Variants in EML4 observed in about 807,000 individuals in gnomAD.
The protein encoded by EML4 is echinoderm microtubule-associated protein-like 4.
Under a neutral mutation model 129.0 loss-of-function variants are expected in EML4, and 72 were observed. The ratio of observed to expected loss-of-function variants is 0.56; its 90% CI spans 0.46 to 0.68. EML4 has a LOEUF of 0.68. Ranked by LOEUF, EML4 falls within the 30% of genes least tolerant of loss-of-function variation. The pLI is 0.00. For missense variants in EML4, 1,363 were observed against 1,190.6 expected (o/e 1.14, Z -2.13); for synonymous variants, 532 against 405.0 (o/e 1.31, Z -3.77).
intron 1 of EML4, among the ~76,000 whole-genome samples, chr2:42,190,907 A>G (rs541603318): frequency 6.6e-6 from 1 of 152,312 alleles, no homozygotes; most frequent in African/African-American, 2.4e-5. Flanking sequence ...TTCCCCAAAC[A>G]TTGAAAAATG....
intron 19 of EML4, among the ~76,000 whole-genome samples, chr2:42,324,489 G>A (rs1250250063): frequency 2.4e-4 from 37 of 152,082 alleles, no homozygotes. Flanking sequence ...GATGGCATGT[G>A]CCTGTAGTCC....
intron 2 of EML4, among the ~76,000 whole-genome samples, chr2:42,254,032 T>C (rs1166303473): frequency 6.6e-6 from 1 of 152,238 alleles, no homozygotes; most frequent in Non-Finnish European, 1.5e-5. Flanking sequence ...AGGACTTTTA[T>C]GTAGAATATT....
At chr2:42,198,578 T>C (rs1038178045) in intron 1 of EML4, among the ~76,000 whole-genome samples, 3 of 151,944 alleles carry the variant, frequency 2.0e-5, no homozygotes, top group Non-Finnish European at 4.4e-5. Context: ...AAGGAAAAGG[T>C]GGTAAGGATG....
At chr2:42,303,573 G>A in intron 16 of EML4, 127 bp downstream of exon 16, 2 of 1,026,932 alleles carry the variant, frequency 1.9e-6, no homozygotes, top group Admixed American at 4.8e-5. Flanking sequence ...TTTAGTAATA[G>A]AGGGTGGAGA....
At chr2:42,304,851 G>T (rs1668502210) in intron 17 of EML4, among the ~76,000 whole-genome samples, 1 of 152,196 alleles carries the variant, frequency 6.6e-6, no homozygotes, top group African/African-American at 2.4e-5. Context: ...CCCTGACGCA[G>T]CCAGGCACAG....
chr2:42,287,434 C>CT (rs1558576827), intron 10 of EML4, among the ~76,000 whole-genome samples: 2 of 152,138 alleles, frequency 1.3e-5, no homozygotes, highest in Non-Finnish European at 1.5e-5. Flanking sequence ...CCTCATAACT[C>CT]TATCTTTTCT....
At chr2:42,326,275 AAAG>A in intron 21 of EML4, 23 bp downstream of exon 21, 1 of 1,539,784 alleles carries the variant, frequency 6.5e-7, no homozygotes, top group Non-Finnish European at 8.9e-7. Context: ...CACCTGATGT[AAAG>A]AAGTGGTTTG....
intron 1 of EML4, among the ~76,000 whole-genome samples, chr2:42,243,255 G>T (rs1309171057): frequency 1.3e-5 from 2 of 152,180 alleles, no homozygotes; most frequent in Non-Finnish European, 2.9e-5. Flanking sequence ...TGAGAAGAAG[G>T]AGAATAGGAA....
chr2:42,181,275 C>G (rs1670922364), intron 1 of EML4, among the ~76,000 whole-genome samples: 1 of 151,958 alleles, frequency 6.6e-6, no homozygotes, highest in Non-Finnish European at 1.5e-5. Context: ...TCTGTATGGA[C>G]TCAGGTTTCT....
In EML4 at chr2:42,281,458, C is replaced by G. The variant is rs563084701; in HGVS notation, c.791+485C>G. Among the ~76,000 whole-genome samples the G allele has an allele frequency of 2.0e-3, 308 of 151,094 alleles. 2 individuals are homozygous for G. Among genetic ancestry groups the G allele is most frequent in the Non-Finnish European group, 3.4e-3 (228 of 67,852 alleles). On this transcript the variant is annotated intron_variant, in intron 7 of 22. Coordinates refer to ENST00000318522, the MANE Select transcript of EML4 (RefSeq NM_019063.5). ...TTTGCTGTTAGCAATTTAAAGCCAT[C>G]AAAGTTTATATCTTTGGAAAGGATA...
intron 1 of EML4, among the ~76,000 whole-genome samples, chr2:42,189,918 T>C (rs534306613): frequency 6.6e-6 from 1 of 151,968 alleles, no homozygotes; most frequent in East Asian, 1.9e-4. Context: ...CCTTGGTTAC[T>C]AACATCATGA....
intron 11 of EML4, among the ~76,000 whole-genome samples, chr2:42,293,136 G>T (rs1395516913): frequency 6.6e-6 from 1 of 151,436 alleles, no homozygotes; most frequent in African/African-American, 2.4e-5. Flanking sequence ...TTTGGTCAGG[G>T]TCTCACGCGT....
intron 1 of EML4, among the ~76,000 whole-genome samples, chr2:42,204,482 A>G (rs1162776735): frequency 6.6e-6 from 1 of 152,190 alleles, no homozygotes; most frequent in Non-Finnish European, 1.5e-5. Flanking sequence ...TTTTTGTAAA[A>G]TAGCCATTGA....
chr2:42,294,531 A>T (rs1295434466), intron 11 of EML4, among the ~76,000 whole-genome samples: 1 of 152,182 alleles, frequency 6.6e-6, no homozygotes, highest in East Asian at 1.9e-4. Flanking sequence ...CCATGTCTCT[A>T]TTGAAAATAC....
At chr2:42,278,672 G>A (rs890016323) in intron 6 of EML4, among the ~76,000 whole-genome samples, 5 of 150,540 alleles carry the variant, frequency 3.3e-5, no homozygotes, top group African/African-American at 4.9e-5. Context: ...GGTGGTTCAC[G>A]CCTGTAATCT....
intron 1 of EML4, among the ~76,000 whole-genome samples, chr2:42,233,743 T>C (rs768211504): frequency 2.0e-5 from 3 of 152,378 alleles, no homozygotes; most frequent in African/African-American, 7.2e-5. Flanking sequence ...CTTAATATCT[T>C]AATATTTTGG....
At chr2:42,274,011 C>T (rs1486027328) in intron 6 of EML4, among the ~76,000 whole-genome samples, 15 of 152,116 alleles carry the variant, frequency 9.9e-5, no homozygotes, top group Admixed American at 9.8e-4. Context: ...AGATTTTAGC[C>T]TTCCAAAAAT....
At chr2:42,176,970 T>G (rs1033346083) in intron 1 of EML4, among the ~76,000 whole-genome samples, 1 of 152,100 alleles carries the variant, frequency 6.6e-6, no homozygotes, top group Non-Finnish European at 1.5e-5. Flanking sequence ...ATTTTTGTAT[T>G]TTTAGTAGAG....
chr2:42,300,438 G>A (rs1668218200), intron 13 of EML4, among the ~76,000 whole-genome samples: 1 of 152,194 alleles, frequency 6.6e-6, no homozygotes, highest in South Asian at 2.1e-4. Context: ...GACCTTTTAT[G>A]TACCCCCTTG....
Sources: gnomAD v4.1 joint callset for allele counts (sites outside exome capture counted in the v4.1 genomes callset) on GRCh38, gnomAD v4.1.1 for gene constraint, MANE v1.5 for transcripts, NCBI Gene and HGNC (gene_info 2026-07-23, HGNC 2026-07-21) for gene names.